PAM: variants seen among roughly 807,000 people sequenced by gnomAD.
PAM encodes the protein peptidylglycine alpha-amidating monooxygenase.
In PAM, 72 loss-of-function variants were observed where a neutral mutation model predicts 122.1. The observed-to-expected ratio is 0.59, with a 90% CI of 0.49 to 0.72. PAM has a LOEUF of 0.72. Ranked by LOEUF, PAM falls within the 30% of genes least tolerant of loss-of-function variation. PAM has a pLI of 0.00. For synonymous variants in PAM, 389 were observed against 404.4 expected, an observed-to-expected ratio of 0.96 and a Z score of 0.46; for missense variants, 1,106 against 1,183.7, an observed-to-expected ratio of 0.93 and a Z score of 0.96.
At chr5:102,979,359 C>T (rs1470200486) in intron 15 of PAM, among the ~76,000 whole-genome samples, 1 of 152,088 alleles carries the variant, frequency 6.6e-6, no homozygotes, top group East Asian at 1.9e-4. Flanking sequence ...TGTTTTCTTT[C>T]TTACTTTGGT....
chr5:102,928,237 A>G (rs1397163045), intron 7 of PAM, among the ~76,000 whole-genome samples: 2 of 152,200 alleles, frequency 1.3e-5, no homozygotes, highest in African/African-American at 4.8e-5. Flanking sequence ...AAGGACCCCT[A>G]ACAGATACTG....
chr5:102,765,032 C>T (rs889741900), intron 1 of PAM, among the ~76,000 whole-genome samples: 28 of 152,226 alleles, frequency 1.8e-4, no homozygotes, highest in African/African-American at 6.3e-4. Flanking sequence ...CCATCACTTC[C>T]TTCAAGAGTT....
rs1385984412 is a variant in PAM at position 103,009,826 on chromosome 5, C to T, written c.2291C>T (p.Ser764Phe). 8.1e-6 allele frequency: 13 copies of T among 1,611,110 alleles called. No homozygotes were observed. Among genetic ancestry groups the T allele is most frequent in the Non-Finnish European group, 1.1e-5 (13 of 1,177,822 alleles). ...GTACAAGGATTTGTGATGAACTTTT[C>T]CAATGGGGAAATTATAGACATCTTC... Reference protein sequence around the residue: ...EPVQGFVMNFSNGEIIDIFKP... With the variant: ...EPVQGFVMNFFNGEIIDIFKP... The change falls in exon 21 of 26, where the codon TCC (serine) becomes TTC (phenylalanine). Residue 764 changes from serine to phenylalanine, a missense_variant. By Grantham distance (155) the Ser-to-Phe change is radical (BLOSUM62 -2). Around this residue, in one of 3 missense-constraint regions of PAM, gnomAD observed 333 missense variants for 335.6 expected, o/e 0.99. Transcript: ENST00000438793.
chr5:102,906,895 T>A (rs1283967351), intron 4 of PAM, among the ~76,000 whole-genome samples: 2 of 151,742 alleles, frequency 1.3e-5, no homozygotes, highest in Admixed American at 6.6e-5. Context: ...AGGAATGACA[T>A]TACAAAAACA....
chr5:102,884,819 CTCTG>C (rs1174162112), intron 3 of PAM, among the ~76,000 whole-genome samples: 1 of 151,804 alleles, frequency 6.6e-6, no homozygotes, highest in Non-Finnish European at 1.5e-5. Context: ...AGAGAAATGG[CTCTG>C]TCTTAGCAGG....
chr5:102,932,793 C>A (rs1278979613), intron 7 of PAM, among the ~76,000 whole-genome samples: 2 of 152,074 alleles, frequency 1.3e-5, no homozygotes, highest in African/African-American at 4.8e-5. Flanking sequence ...ATCCCCTTCT[C>A]CCTTTTCTTC....
At chr5:102,981,577 A>G (rs1489735522) in intron 15 of PAM, among the ~76,000 whole-genome samples, 1 of 152,246 alleles carries the variant, frequency 6.6e-6, no homozygotes, top group Non-Finnish European at 1.5e-5. Flanking sequence ...CCATACAGTA[A>G]GTAGGCCAGG....
chr5:102,981,870 T>G (rs1479220225), intron 15 of PAM, among the ~76,000 whole-genome samples: 1 of 152,186 alleles, frequency 6.6e-6, no homozygotes, highest in Non-Finnish European at 1.5e-5. Flanking sequence ...GGGAATGACT[T>G]ATCCATCTGT....
At chr5:102,962,525 A>G (rs1762796801) in intron 14 of PAM, among the ~76,000 whole-genome samples, 2 of 151,832 alleles carry the variant, frequency 1.3e-5, no homozygotes, top group African/African-American at 4.8e-5. Context: ...AAATAACAAC[A>G]TATATGAAAC....
At chr5:103,018,888 A>C (rs866891302) in intron 22 of PAM, among the ~76,000 whole-genome samples, 8 of 152,180 alleles carry the variant, frequency 5.3e-5, no homozygotes, top group South Asian at 4.1e-4. Context: ...TTTCAGGATA[A>C]AACTATTCCA....
At chr5:102,894,831 C>A (rs1303931328) in intron 3 of PAM, among the ~76,000 whole-genome samples, 1 of 151,716 alleles carries the variant, frequency 6.6e-6, no homozygotes, top group African/African-American at 2.4e-5. Context: ...CCTTTCAAAT[C>A]CACTCCCCAG....
rs764506286 is a variant in PAM, at chr5:103,020,216, A to G, written c.2485+373A>G. On this transcript the variant is annotated intron_variant, in intron 23 of 25. Transcript: ENST00000438793. ...CATATTGGAAAAACCTTTTCTTAATAGGCCCTAATATAAAGGAGTGAAAAA... is the reference window on the plus strand; with the variant it reads ...CATATTGGAAAAACCTTTTCTTAATGGGCCCTAATATAAAGGAGTGAAAAA... Among the ~76,000 whole-genome samples, 125 of 152,302 alleles carry G rather than the reference A, an allele frequency of 8.2e-4. 3 individuals are homozygous for G. The highest frequency in any genetic ancestry group is 3.4e-3 in the Middle Eastern group (1 of 294).
intron 1 of PAM, among the ~76,000 whole-genome samples, chr5:102,826,863 C>G (rs1773792919): frequency 1.3e-5 from 2 of 152,070 alleles, no homozygotes; most frequent in African/African-American, 4.8e-5. Context: ...ATTAGCTGCT[C>G]CCCACCTTTA....
At chr5:102,975,080 T>C (rs980822410) in intron 15 of PAM, among the ~76,000 whole-genome samples, 15 of 152,204 alleles carry the variant, frequency 9.9e-5, no homozygotes, top group Non-Finnish European at 1.8e-4. Context: ...CCTTATTCCC[T>C]TCAGGTTTCC....
intron 1 of PAM, among the ~76,000 whole-genome samples, chr5:102,755,866 GGAAATTC>G (rs957226327): frequency 6.6e-6 from 1 of 152,080 alleles, no homozygotes; most frequent in Non-Finnish European, 1.5e-5. Flanking sequence ...GGGAAGCAGT[GGAAATTC>G]CTTCCCCTCT....
chr5:102,878,298 A>G (rs1282160254), intron 3 of PAM, among the ~76,000 whole-genome samples: 1 of 152,192 alleles, frequency 6.6e-6, no homozygotes, highest in Non-Finnish European at 1.5e-5. Context: ...CTAGTGATGT[A>G]GCTTTCATAA....
chr5:102,956,199 A>G (rs542610584), intron 12 of PAM, among the ~76,000 whole-genome samples: 6 of 152,100 alleles, frequency 3.9e-5, no homozygotes, highest in Non-Finnish European at 5.9e-5. Flanking sequence ...ATGTCTCAGA[A>G]AATCACGTGT....
chr5:102,869,483 C>G (rs906450581), intron 3 of PAM, among the ~76,000 whole-genome samples: 1 of 152,188 alleles, frequency 6.6e-6, no homozygotes, highest in African/African-American at 2.4e-5. Context: ...GTCTTACTTG[C>G]AACTGAAACT....
chr5:102,996,391 A>T (rs1775712280), intron 16 of PAM, among the ~76,000 whole-genome samples: 1 of 152,210 alleles, frequency 6.6e-6, no homozygotes, highest in Non-Finnish European at 1.5e-5. Context: ...CTGCTTTAGA[A>T]AACTAAATAA....
Sources: gnomAD v4.1 joint callset for allele counts (sites outside exome capture counted in the v4.1 genomes callset) on GRCh38, gnomAD v4.1.1 for gene constraint, gnomAD v4.1.1 regional missense constraint, MANE v1.5 for transcripts, NCBI Gene and HGNC (gene_info 2026-07-23, HGNC 2026-07-21) for gene names.